The following TACC1 variants were observed in gnomAD, a reference collection of about 807,000 sequenced individuals.
The protein encoded by TACC1 is transforming acidic coiled-coil containing protein 1.
Under a neutral mutation model 84.4 loss-of-function variants are expected in TACC1, and 48 were observed. The observed-to-expected ratio is 0.57, with a 90% CI of 0.45 to 0.72. The LOEUF (loss-of-function observed/expected upper bound fraction) is 0.72. Ranked by LOEUF, TACC1 falls within the 30% of genes least tolerant of loss-of-function variation. The pLI, the probability that TACC1 is intolerant of heterozygous loss-of-function variation, is 0.00. For missense variants in TACC1, 920 were observed against 973.0 expected (o/e 0.95, Z 0.72); for synonymous variants, 372 against 376.3 (o/e 0.99, Z 0.13).
intron 3 of TACC1, among the ~76,000 whole-genome samples, chr8:38,781,383 T>G (rs549546217): frequency 3.5e-5 from 5 of 144,672 alleles, no homozygotes; most frequent in African/African-American, 1.2e-4. Flanking sequence ...GAAATATTCT[T>G]CTTTTTTTTT....
chr8:38,783,082 C>A (rs1484743470), upstream of TACC1, among the ~76,000 whole-genome samples: 108 of 107,316 alleles, frequency 1.0e-3, 1 homozygote, highest in African/African-American at 4.6e-3. Context: ...ATCTATCTAT[C>A]TATCTATCTA....
At chr8:38,757,823 G>A (rs772715570) in intron 3 of TACC1, among the ~76,000 whole-genome samples, 2 of 152,170 alleles carry the variant, frequency 1.3e-5, no homozygotes, top group Non-Finnish European at 2.9e-5. Flanking sequence ...GTTGGCCCTC[G>A]GGGTCCAGGA....
chr8:38,847,125 CAATATATTAA>C (rs1832467829), intron 12 of TACC1, among the ~76,000 whole-genome samples: 1 of 152,148 alleles, frequency 6.6e-6, no homozygotes, highest in Non-Finnish European at 1.5e-5. Context: ...GTTTTTTATG[CAATATATTAA>C]TATGAAGCCA....
chr8:38,761,545 A>T (rs1811210705), intron 3 of TACC1, among the ~76,000 whole-genome samples: 2 of 152,260 alleles, frequency 1.3e-5, no homozygotes, highest in South Asian at 4.1e-4. Context: ...TTTAATGAGC[A>T]CATCACTGTG....
chr8:38,745,496 A>T (rs1307829944), intron 3 of TACC1: 10 of 689,696 alleles, frequency 1.4e-5, no homozygotes, highest in Non-Finnish European at 2.6e-5. Flanking sequence ...CTTAAAAGGC[A>T]AGGGTTTTAA....
chr8:38,764,185 C>G (rs1049789729), intron 3 of TACC1, among the ~76,000 whole-genome samples: 102 of 152,280 alleles, frequency 6.7e-4, no homozygotes, highest in African/African-American at 2.4e-3. Flanking sequence ...TCAAGCAATT[C>G]TCCTGCCTCA....
intron 9 of TACC1, among the ~76,000 whole-genome samples, chr8:38,841,986 TCCCAG>T (rs1831364953): frequency 6.6e-6 from 1 of 152,212 alleles, no homozygotes; most frequent in African/African-American, 2.4e-5. Flanking sequence ...TGGAATATTC[TCCCAG>T]GTAGCTGTAT....
rs909409944 is a variant in TACC1 at position 38,841,930 on chromosome 8, C to G, written c.1961-357C>G. Among the ~76,000 whole-genome samples, 4 of 152,178 alleles carry G rather than the reference C, an allele frequency of 2.6e-5. No individual in the cohort carries two copies. The East Asian group carries it at 7.7e-4, about 29-fold the overall frequency. ...TGATACTTTCTATCATCCACATCAC[C>G]TAATGCCTTCCCAGCTCAGGGCCTT... is the stretch of plus-strand genomic sequence containing the variant. On this transcript the variant is annotated intron_variant, in intron 9 of 12. Coordinates refer to ENST00000317827, the MANE Select transcript of TACC1 (RefSeq NM_006283.3).
chr8:38,738,587 G>A lies in TACC1; in HGVS notation c.-674-3764G>A, dbSNP rs577325769. ...ATTGTTCCAGCTTCGCCCATTGAGC[G>A]CTCTCTCATTTGGCTTCTGTGTCCC... On this transcript the variant is annotated intron_variant, in intron 1 of 14. Coordinates refer to the TACC1 transcript ENST00000518415. 5.9e-5 allele frequency among the ~76,000 whole-genome samples: 9 copies of A among 151,712 alleles called. No homozygotes were observed. The South Asian group carries it at 8.3e-4, about 14-fold the overall frequency.
rs1226259992 is a variant in TACC1 at position 38,852,050 on chromosome 8, C to T, written c.*4027C>T. The stretch of plus-strand genomic sequence containing the variant: ...ACAGACTCTCCTCTCAAAGGATCTC[C>T]TCTGGAAGAGACTATCAGCGGCAGC... On this transcript the variant is annotated 3_prime_UTR_variant, in exon 13 of 13. Transcript: ENST00000317827. The T allele has an allele frequency of 4.6e-6, 2 of 436,608 alleles. No homozygotes were observed. The highest frequency in any genetic ancestry group is 9.3e-6 in the Non-Finnish European group (2 of 215,658). 27.0% of individuals were successfully genotyped at this position (436,608 alleles called of 1,614,324 possible).
chr8:38,771,497 G>C (rs567359411), intron 3 of TACC1, among the ~76,000 whole-genome samples: 1 of 152,268 alleles, frequency 6.6e-6, no homozygotes, highest in Non-Finnish European at 1.5e-5. Context: ...GGAAATAATT[G>C]AAATTGCTGC....
intron 3 of TACC1, among the ~76,000 whole-genome samples, chr8:38,776,943 GAC>G (rs1251623978): frequency 6.6e-6 from 1 of 152,134 alleles, no homozygotes; most frequent in East Asian, 1.9e-4. Context: ...GGGGCCCAGT[GAC>G]ACAGTCTGAT....
At chr8:38,766,468 C>T (rs915830886) in intron 3 of TACC1, among the ~76,000 whole-genome samples, 3 of 152,176 alleles carry the variant, frequency 2.0e-5, no homozygotes, top group East Asian at 1.9e-4. Flanking sequence ...CTGTCTTATA[C>T]TCTGCATGTT....
intron 11 of TACC1, among the ~76,000 whole-genome samples, chr8:38,844,626 A>G (rs1480504576): frequency 6.6e-6 from 1 of 152,110 alleles, no homozygotes; most frequent in Non-Finnish European, 1.5e-5. Context: ...TATAGATTTT[A>G]TATATTAGGG....
upstream of TACC1, among the ~76,000 whole-genome samples, chr8:38,784,045 T>C (rs1168929072): frequency 6.6e-6 from 1 of 152,274 alleles, no homozygotes; most frequent in East Asian, 1.9e-4. Context: ...GCAGATAGGG[T>C]GGCCACAGCC....
At chr8:38,778,127 G>A (rs1437256026) in intron 3 of TACC1, among the ~76,000 whole-genome samples, 1 of 152,210 alleles carries the variant, frequency 6.6e-6, no homozygotes. Context: ...GTGCATGTGT[G>A]TAGAGATGGG....
At chr8:38,760,072 C>T (rs1399347850) in intron 3 of TACC1, among the ~76,000 whole-genome samples, 1 of 151,766 alleles carries the variant, frequency 6.6e-6, no homozygotes, top group Non-Finnish European at 1.5e-5. Context: ...ATGAATAATA[C>T]ATCAATGCTG....
At position 38,825,264 on chromosome 8, in the gene TACC1, A is replaced by G. The variant is rs767752340; in HGVS notation, c.1392-44A>G. The G allele has an allele frequency of 5.0e-6, 8 of 1,605,044 alleles. No individual in the cohort carries two copies. The South Asian group carries it at 7.7e-5, about 15-fold the overall frequency. On this transcript the variant is annotated intron_variant, in intron 3 of 12. Transcript: ENST00000317827. ...TCCATTTCATACCTTGACAATTGTC[A>G]GTGTGATTGCAAACTGGCTTGTTTG...
chr8:38,796,129 A>G (rs1037643455), intron 2 of TACC1, among the ~76,000 whole-genome samples: 1 of 152,190 alleles, frequency 6.6e-6, no homozygotes, highest in Admixed American at 6.5e-5. Flanking sequence ...GGAACAAGTA[A>G]TCTTTGTTTG....
Sources: allele counts gnomAD v4.1 joint callset (sites outside exome capture counted in the v4.1 genomes callset), GRCh38; gene constraint gnomAD v4.1.1; transcripts MANE v1.5; gene names NCBI Gene and HGNC (gene_info 2026-07-23, HGNC 2026-07-21).